SLC28A2: variants seen among roughly 807,000 people sequenced by gnomAD.
SLC28A2 encodes solute carrier family 28 member 2.
SLC28A2 carries 69 observed loss-of-function variants against 72.9 expected under a neutral mutation model. The ratio of observed to expected loss-of-function variants is 0.95; its 90% confidence interval spans 0.78 to 1.16. The LOEUF (loss-of-function observed/expected upper bound fraction) is 1.16, where lower values mean the gene tolerates loss of function less well. SLC28A2 is among the 50% of genes most tolerant of loss of function. The pLI, the probability that SLC28A2 is intolerant of heterozygous loss-of-function variation, is 0.00. For missense variants in SLC28A2, 745 were observed against 791.1 expected, an observed-to-expected ratio of 0.94 and a Z score of 0.70; for synonymous variants, 296 against 294.1, an observed-to-expected ratio of 1.01 and a Z score of -0.07.
chr15:45,275,410 G>A lies in SLC28A2; in HGVS notation c.1874G>A (p.Gly625Asp). ...TTTCACTGCAGTACTTCTCTGAATG[G>A]CACCAACCCTCCTTCTTTTTCTGGT... is the stretch of plus-strand genomic sequence containing the variant. ...RGLFQSTSLN[G>D]TNPPSFSGPW... The change falls in exon 18 of 18, where the codon GGC becomes GAC. Residue 625 changes from glycine (G) to aspartate (D), a missense_variant. By Grantham distance (94) the Gly-to-Asp change is moderately conservative. Coordinates refer to ENST00000347644, the MANE Select transcript of SLC28A2 (RefSeq NM_004212.4). 6.2e-7 allele frequency: 1 copy of A among 1,610,918 alleles called. No individual in the cohort carries two copies. The highest frequency in any genetic ancestry group is 2.2e-5 in the East Asian group (1 of 44,856).
intron 3 of SLC28A2, among the ~76,000 whole-genome samples, chr15:45,256,874 C>G (rs1282410097): frequency 6.6e-6 from 1 of 152,126 alleles, no homozygotes; most frequent in Non-Finnish European, 1.5e-5. Context: ...TATGTCTGAA[C>G]TCCCTTATAT....
intron 3 of SLC28A2, among the ~76,000 whole-genome samples, chr15:45,254,825 GA>G (rs1337318171): frequency 6.6e-6 from 1 of 152,030 alleles, no homozygotes; most frequent in African/African-American, 2.4e-5. Context: ...TATATATACT[GA>G]ATTGACAGTA....
Position 45,267,778 on chromosome 15 carries a change from G to C in SLC28A2, c.1181G>C (p.Gly394Ala). 1 of 1,614,050 alleles carries C rather than the reference G, an allele frequency of 6.2e-7. No homozygotes were observed. Among genetic ancestry groups the C allele is most frequent in the Non-Finnish European group, 8.5e-7 (1 of 1,179,998 alleles). Residue 394 changes from glycine (G) to alanine (A), a missense_variant, in exon 12 of 18, where the codon GGG (glycine) becomes GCG (alanine). Transcript: ENST00000347644. ...VEESKFKSEEGVKLPRGKERN... is the reference protein window; with the variant it reads ...VEESKFKSEEAVKLPRGKERN... ...GAGTCCAAGTTCAAGAGTGAGGAGG[G>C]GGTAAAGCTGCCCCGTGGGTGAGTC... is the stretch of plus-strand genomic sequence containing the variant.
intron 14 of SLC28A2, 94 bp downstream of exon 14, chr15:45,269,629 C>G: frequency 9.5e-7 from 1 of 1,049,836 alleles, no homozygotes; most frequent in East Asian, 2.5e-5. Flanking sequence ...TGTTGCAGAC[C>G]TGCAGATGCC....
chr15:45,269,102 C>G (rs56166527), intron 13 of SLC28A2, among the ~76,000 whole-genome samples: 23,178 of 150,998 alleles, frequency 0.15, 5,924 homozygotes, highest in African/African-American at 0.53. Context: ...CACCAGCATG[C>G]CACATGTATA....
At chr15:45,256,370 C>T (rs953289808) in intron 3 of SLC28A2, among the ~76,000 whole-genome samples, 2 of 151,788 alleles carry the variant, frequency 1.3e-5, no homozygotes, top group African/African-American at 4.8e-5. Flanking sequence ...TAAAGCTACA[C>T]ATTTTCCTCC....
Position 45,264,032 on chromosome 15 carries a change from G to A in SLC28A2, c.588+10G>A, listed in dbSNP as rs572558624. Reference sequence around the variant, plus strand: ...CAAACACCACAGCGCAGTGAGTTTTGGGTATTTGGGTTGGGTATAGCAACA... The same window carrying A: ...CAAACACCACAGCGCAGTGAGTTTTAGGTATTTGGGTTGGGTATAGCAACA... On this transcript the variant is annotated intron_variant, in intron 6 of 17. Coordinates refer to ENST00000347644, the MANE Select transcript of SLC28A2 (RefSeq NM_004212.4). 4.0e-5 allele frequency: 64 copies of A among 1,604,784 alleles called. No individual in the cohort carries two copies. The South Asian group carries it at 6.5e-4, about 16-fold the overall frequency.
intron 15 of SLC28A2, among the ~76,000 whole-genome samples, chr15:45,270,710 C>G (rs1187792621): frequency 6.6e-6 from 1 of 152,044 alleles, no homozygotes; most frequent in African/African-American, 2.4e-5. Flanking sequence ...TCACTTAAAC[C>G]TCCACCTCCT....
chr15:45,259,803 A>ATGCTATATGGTAAG (rs1212704336), intron 3 of SLC28A2, among the ~76,000 whole-genome samples: 1 of 152,226 alleles, frequency 6.6e-6, no homozygotes, highest in Non-Finnish European at 1.5e-5. Context: ...TGACAATATC[A>ATGCTATATGGTAAG]TGCTATATGG....
At chr15:45,253,099 A>G (rs1242927913) in intron 1 of SLC28A2, 101 bp from the exon 2 acceptor site, 8 of 655,620 alleles carry the variant, frequency 1.2e-5, no homozygotes, top group Non-Finnish European at 2.2e-5. Context: ...AAAGACTTTT[A>G]GTTTTGCGTT....
In SLC28A2 at chr15:45,268,380, T is replaced by C. The variant is rs757116211; in HGVS notation, c.1368+2T>C. On this transcript the variant is annotated splice_donor_variant, in intron 13 of 17. Transcript: ENST00000347644. LOFTEE classifies it high-confidence loss of function. ...GACATACAGGGGCTCACTTTCCAGG[T>C]AAAGGATTACATTTGTTGGGCTGTC... 2.1e-5 allele frequency: 33 copies of C among 1,583,860 alleles called. No homozygotes were observed. The highest frequency in any genetic ancestry group is 2.2e-5 in the Non-Finnish European group (26 of 1,156,630).
intron 16 of SLC28A2, 125 bp downstream of exon 16, chr15:45,272,518 G>T: frequency 1.2e-6 from 1 of 854,074 alleles, no homozygotes; most frequent in East Asian, 2.5e-5. Context: ...GATCATGACA[G>T]GCTGTCTTTC....
intron 12 of SLC28A2, 143 bp from the exon 13 acceptor site, chr15:45,268,067 T>C (rs986983455): frequency 1.3e-6 from 1 of 786,864 alleles, no homozygotes; most frequent in Non-Finnish European, 2.0e-6. Context: ...TTTCCACTAA[T>C]AGGGTCACTG....
intron 3 of SLC28A2, among the ~76,000 whole-genome samples, chr15:45,254,765 G>A (rs894799892): frequency 6.6e-6 from 1 of 151,852 alleles, no homozygotes; most frequent in African/African-American, 2.4e-5. Flanking sequence ...ATTTTTAATT[G>A]TTTTATTCAC....
chr15:45,263,343 T>A, intron 5 of SLC28A2, 99 bp downstream of exon 5: 1 of 1,186,984 alleles, frequency 8.4e-7, no homozygotes, highest in Admixed American at 2.6e-5. Flanking sequence ...GACCTGCACA[T>A]AGGCTTTTCA....
intron 14 of SLC28A2, 97 bp downstream of exon 14, chr15:45,269,632 C>T: frequency 9.6e-7 from 1 of 1,039,720 alleles, no homozygotes. Flanking sequence ...TGCAGACCTG[C>T]AGATGCCTTT....
intron 17 of SLC28A2, among the ~76,000 whole-genome samples, chr15:45,275,123 T>C (rs1477930125): frequency 6.6e-6 from 1 of 152,196 alleles, no homozygotes; most frequent in Non-Finnish European, 1.5e-5. Flanking sequence ...TTATAAGCCA[T>C]ACATTTGCCT....
intron 13 of SLC28A2, among the ~76,000 whole-genome samples, chr15:45,268,643 T>TTGA (rs1900425334): frequency 6.6e-6 from 1 of 152,118 alleles, no homozygotes; most frequent in South Asian, 2.1e-4. Flanking sequence ...GAAATACCAT[T>TTGA]TGACCCAGCC....
In SLC28A2 at chr15:45,270,190, C is replaced by T. The variant is rs1900502773; in HGVS notation, c.1567-5C>T. 1 of 1,607,922 alleles carries T rather than the reference C, an allele frequency of 6.2e-7. No individual in the cohort carries two copies. The highest frequency in any genetic ancestry group is 1.7e-5 in the Admixed American group (1 of 59,984). ...TATTTGCTTATTTATTTTTGTTTTC[C>T]CTAGGTGAGAGCTGAAATCATTACA... On this transcript the variant is annotated splice_region_variant and splice_polypyrimidine_tract_variant and intron_variant, in intron 14 of 17. Coordinates refer to ENST00000347644, the MANE Select transcript of SLC28A2 (RefSeq NM_004212.4).
Sources: gnomAD v4.1 joint callset for allele counts (sites outside exome capture counted in the v4.1 genomes callset) on GRCh38, gnomAD v4.1.1 for gene constraint, MANE v1.5 for transcripts, NCBI Gene and HGNC (gene_info 2026-07-23, HGNC 2026-07-21) for gene names.